CR2: variants seen among roughly 807,000 people sequenced by gnomAD.
The protein encoded by CR2 is complement C3d receptor 2.
In CR2, 96 loss-of-function variants were observed where a neutral mutation model predicts 123.0. That is an observed-to-expected ratio of 0.78 (90% CI 0.66 to 0.93). CR2 has a LOEUF of 0.93. Ranked by LOEUF, CR2 falls within the 40% of genes least tolerant of loss-of-function variation. CR2 has a pLI of 0.00. For missense variants in CR2, 1,258 were observed against 1,361.0 expected, an observed-to-expected ratio of 0.92 and a Z score of 1.19; for synonymous variants, 484 against 469.5, an observed-to-expected ratio of 1.03 and a Z score of -0.40.
chr1:207,470,653 T>C, intron 6 of CR2, 87 bp from the exon 7 acceptor site: 1 of 1,296,950 alleles, frequency 7.7e-7, no homozygotes, highest in East Asian at 2.3e-5. Flanking sequence ...AGTGGAATTA[T>C]AGCATGAATA....
At position 207,475,174 on chromosome 1, in the gene CR2, G is replaced by A. The variant is rs771838431; in HGVS notation, c.2674G>A (p.Asp892Asn). 2 of 1,613,610 alleles carry A rather than the reference G, an allele frequency of 1.2e-6. No individual in the cohort carries two copies. The highest frequency in any genetic ancestry group is 4.5e-5 in the East Asian group (2 of 44,886). ...TAGTCGCGTGATTAGGTGTCATACT[G>A]ATAACACATGGGTGCCAGGTGTGCC... ...NGSRVIRCHT[D>N]NTWVPGVPTC... The change falls in exon 14 of 20, where the codon GAT (aspartate) becomes AAT (asparagine). Residue 892 changes from aspartate to asparagine, a missense_variant. By Grantham distance (23) the Asp-to-Asn change is conservative. Transcript: ENST00000367057.
chr1:207,479,214 C>T (rs757359089), intron 16 of CR2, 43 bp from the exon 17 acceptor site: 3 of 1,467,154 alleles, frequency 2.0e-6, no homozygotes, highest in South Asian at 2.3e-5. Context: ...TGAATTATGA[C>T]ACTATACTGA....
At chr1:207,468,314 C>A (rs1658161047) in intron 2 of CR2, 4 of 586,646 alleles carry the variant, frequency 6.8e-6, no homozygotes. Flanking sequence ...AACAGAAATT[C>A]ATAAACTTTC....
At chr1:207,478,360 CA>C (rs936691638) in intron 16 of CR2, among the ~76,000 whole-genome samples, 18 of 144,304 alleles carry the variant, frequency 1.2e-4, no homozygotes, top group East Asian at 2.0e-4. Flanking sequence ...TGGTCTCTAC[CA>C]AAAAAAAAAT....
chr1:207,480,547 A>G (rs1322447578), intron 18 of CR2, among the ~76,000 whole-genome samples: 1 of 152,142 alleles, frequency 6.6e-6, no homozygotes, highest in Non-Finnish European at 1.5e-5. Context: ...ATTTACTTTG[A>G]TAATATATAA....
intron 16 of CR2, among the ~76,000 whole-genome samples, chr1:207,478,646 A>C: frequency 6.6e-6 from 1 of 152,062 alleles, no homozygotes; most frequent in Non-Finnish European, 1.5e-5. Flanking sequence ...AGAAACACTA[A>C]TTTAAAAGGA....
Position 207,473,182 on chromosome 1 carries a change from A to G in CR2, c.1978+3A>G, listed in dbSNP as rs1219722700. 1 of 1,613,638 alleles carries G rather than the reference A, an allele frequency of 6.2e-7. No individual in the cohort carries two copies. The highest frequency in any genetic ancestry group is 1.7e-5 in the Admixed American group (1 of 59,984). ...TGAAATACCAGTTTGTGAAAAAGGT[A>G]AAAACCCAATAAGGGGGAAAAAAGG... On this transcript the variant is annotated splice_donor_region_variant and intron_variant, in intron 10 of 19. Transcript: ENST00000367057.
chr1:207,485,542 C>G lies in CR2; in HGVS notation c.3267C>G (p.Asn1089Lys), dbSNP rs1277361561. 6.2e-7 allele frequency: 1 copy of G among 1,609,278 alleles called. No individual in the cohort carries two copies. Among genetic ancestry groups the G allele is most frequent in the African/African-American group, 1.3e-5 (1 of 74,824 alleles). Residue 1089 changes from asparagine (N) to lysine (K), a missense_variant, in exon 19 of 20, where the codon AAC becomes AAG. Physicochemically the swap from Asn to Lys is moderately conservative, Grantham distance 94. Coordinates refer to ENST00000367057, the MANE Select transcript of CR2 (RefSeq NM_001006658.3). Reference protein sequence around the residue: ...AREVYSVDPYNPAS With the variant: ...AREVYSVDPYKPAS ...AAGTATATTCTGTTGATCCATACAA[C>G]CCAGCCAGCTGATCAGAAGACAAAC...
Position 207,471,033 on chromosome 1 carries a change from CAA to C in CR2, c.1442_1443del (p.Lys481ThrfsTer7). 6.2e-7 allele frequency: 1 copy of C among 1,613,816 alleles called. No homozygotes were observed. The highest frequency in any genetic ancestry group is 8.5e-7 in the Non-Finnish European group (1 of 1,179,824). On this transcript the variant is annotated frameshift_variant, in exon 8 of 20. Coordinates refer to ENST00000367057, the MANE Select transcript of CR2 (RefSeq NM_001006658.3). LOFTEE classifies it high-confidence loss of function. Reference sequence around the variant, plus strand: ...GAAGCTACAGGAAGGCAACTCTTGACAAAACCCCAGCACCAATTTGTTAGACC... The same window carrying C: ...GAAGCTACAGGAAGGCAACTCTTGACAACCCCAGCACCAATTTGTTAGACC...
chr1:207,454,497 C>A lies in CR2; in HGVS notation c.58+21C>A. ...CCTCGGTGAGCTGGGAGGGGGAGCA[C>A]GGAGGTGGGGACGCGTCCCGGGCAG... On this transcript the variant is annotated intron_variant, in intron 1 of 19. Transcript: ENST00000367057. This position sits in a 1 kb window ranked among gnomAD's most constrained non-coding sequence, Gnocchi z 4.3. 1 of 1,521,186 alleles carries A rather than the reference C, an allele frequency of 6.6e-7. No individual in the cohort carries two copies. Among genetic ancestry groups the A allele is most frequent in the Non-Finnish European group, 8.8e-7 (1 of 1,131,396 alleles). 94.2% of individuals were successfully genotyped at this position (1,521,186 alleles called of 1,614,324 possible). A position where few individuals can be genotyped will look rare whatever the true frequency, so the allele number is the denominator to read the frequency against.
rs113905197 is a variant in CR2 at position 207,475,194 on chromosome 1, T to C, written c.2694T>C (p.Gly898=). 87 of 1,613,954 alleles carry C rather than the reference T, an allele frequency of 5.4e-5. 2 individuals carry two copies. Among genetic ancestry groups the C allele is most frequent in the African/African-American group, 5.2e-4 (39 of 75,028 alleles). The change falls in exon 14 of 20, where the codon GGT becomes GGC. Residue 898 remains glycine (G), a synonymous_variant. Coordinates refer to ENST00000367057, the MANE Select transcript of CR2 (RefSeq NM_001006658.3). ...ATACTGATAACACATGGGTGCCAGG[T>C]GTGCCAACTTGTATCAAAAAAGGTA... ...RCHTDNTWVP[G]VPTCIKKAFI... is the part of the protein sequence containing the mutation.
intron 13 of CR2, 21 bp from the exon 14 acceptor site, chr1:207,474,803 C>T: frequency 6.2e-7 from 1 of 1,613,610 alleles, no homozygotes; most frequent in Non-Finnish European, 8.5e-7. Flanking sequence ...TGAAGTAGAA[C>T]TCCCTAAATC....
chr1:207,486,220 G>C (rs1658744504), intron 19 of CR2, among the ~76,000 whole-genome samples: 2 of 92,198 alleles, frequency 2.2e-5, no homozygotes, highest in Admixed American at 3.3e-4. Flanking sequence ...AACAGAGCAA[G>C]ACTGCATCTC....
At chr1:207,461,897 C>G (rs1461995608) in intron 1 of CR2, among the ~76,000 whole-genome samples, 1 of 152,034 alleles carries the variant, frequency 6.6e-6, no homozygotes, top group African/African-American at 2.4e-5. Flanking sequence ...CATGTCATCT[C>G]AAGTGAAGAG....
intron 19 of CR2, among the ~76,000 whole-genome samples, chr1:207,487,883 C>T (rs1027146262): frequency 2.0e-4 from 30 of 152,226 alleles, no homozygotes; most frequent in Admixed American, 5.9e-4. Flanking sequence ...GGGGAGTGAA[C>T]GTGTGGAAGT....
intron 9 of CR2, 150 bp downstream of exon 9, chr1:207,471,649 T>C: frequency 1.5e-6 from 1 of 684,138 alleles, no homozygotes; most frequent in Non-Finnish European, 2.7e-6. Flanking sequence ...AGTTTTACCA[T>C]GTCTTTCTTT....
At chr1:207,471,523 A>T (rs1365100602) in intron 9 of CR2, 24 bp downstream of exon 9, 1 of 1,495,320 alleles carries the variant, frequency 6.7e-7, no homozygotes, top group East Asian at 2.3e-5. Flanking sequence ...ATGATATAGG[A>T]GCTGAAATAA....
intron 1 of CR2, among the ~76,000 whole-genome samples, chr1:207,464,612 A>G (rs1484276978): frequency 6.6e-6 from 1 of 152,198 alleles, no homozygotes; most frequent in Non-Finnish European, 1.5e-5. Context: ...TTGAATGCTC[A>G]ATTATAGAAG....
intron 2 of CR2, 30 bp from the exon 3 acceptor site, chr1:207,468,497 G>A: frequency 6.2e-7 from 1 of 1,611,304 alleles, no homozygotes; most frequent in Non-Finnish European, 8.5e-7. Context: ...TCATCTGACG[G>A]CTTTTTTTTC....
Sources: gnomAD v4.1 joint callset for allele counts (sites outside exome capture counted in the v4.1 genomes callset) on GRCh38, gnomAD v4.1.1 for gene constraint, Gnocchi (gnomAD v3.1) non-coding constraint, MANE v1.5 for transcripts, NCBI Gene and HGNC (gene_info 2026-07-23, HGNC 2026-07-21) for gene names.